The following ARFIP1 variants were observed in gnomAD, a reference collection of about 807,000 sequenced individuals.
The protein encoded by ARFIP1 is ARF interacting protein 1.
A neutral mutation model predicts 42.5 loss-of-function variants in ARFIP1; 24 were observed. The observed-to-expected ratio is 0.57, with a 90% CI of 0.41 to 0.80. The LOEUF (loss-of-function observed/expected upper bound fraction) is 0.80. Ranked by LOEUF, ARFIP1 falls within the 30% of genes least tolerant of loss-of-function variation. The probability of loss-of-function intolerance (pLI) is 0.00; values close to 1 mark genes in which losing one functional copy is unlikely to be tolerated. For synonymous variants in ARFIP1, 141 were observed against 153.7 expected (o/e 0.92, Z 0.61); for missense variants, 354 against 434.0 (o/e 0.82, Z 1.64).
intron 1 of ARFIP1, among the ~76,000 whole-genome samples, chr4:152,781,562 C>G (rs1245296921): frequency 6.6e-6 from 1 of 152,166 alleles, no homozygotes; most frequent in African/African-American, 2.4e-5. Flanking sequence ...TTGCTGTTCT[C>G]TCAGAGCGGC....
intron 2 of ARFIP1, among the ~76,000 whole-genome samples, chr4:152,841,951 C>T (rs1022437609): frequency 4.6e-5 from 7 of 152,150 alleles, no homozygotes; most frequent in Non-Finnish European, 7.4e-5. Flanking sequence ...GCAGTTAGAG[C>T]GGTCGTCAGC....
chr4:152,906,362 C>T (rs1207773745), intron 8 of ARFIP1, among the ~76,000 whole-genome samples: 1 of 152,240 alleles, frequency 6.6e-6, no homozygotes, highest in Non-Finnish European at 1.5e-5. Context: ...TCTTCCATGC[C>T]TGCCCCTCTC....
intron 1 of ARFIP1, among the ~76,000 whole-genome samples, chr4:152,823,107 C>A (rs1314624183): frequency 6.6e-6 from 1 of 152,008 alleles, no homozygotes; most frequent in Non-Finnish European, 1.5e-5. Context: ...GAAAAAAAAG[C>A]TGGTTCTTTG....
At chr4:152,847,171 C>T (rs1283017860) in intron 2 of ARFIP1, among the ~76,000 whole-genome samples, 2 of 109,728 alleles carry the variant, frequency 1.8e-5, no homozygotes, top group Non-Finnish European at 3.7e-5. Flanking sequence ...CACTCTGTCG[C>T]CCCCAGGCCG....
At chr4:152,786,375 T>C (rs566543617) in intron 1 of ARFIP1, among the ~76,000 whole-genome samples, 2 of 152,330 alleles carry the variant, frequency 1.3e-5, no homozygotes, top group South Asian at 4.1e-4. Context: ...CTTTCTTTGT[T>C]CCTTTTTTCA....
intron 1 of ARFIP1, among the ~76,000 whole-genome samples, chr4:152,804,143 C>CATATAAG (rs1728694949): frequency 2.1e-5 from 1 of 47,704 alleles, no homozygotes; most frequent in Non-Finnish European, 3.9e-5. Context: ...TATAATATAA[C>CATATAAG]ATGTATTATA....
rs527295428 is a variant in ARFIP1 at position 152,857,751 on chromosome 4, T to A, written c.94-5855T>A. Among the ~76,000 whole-genome samples the A allele has an allele frequency of 3.9e-5, 6 of 152,328 alleles. No individual in the cohort carries two copies. The East Asian group carries it at 1.2e-3, about 29-fold the overall frequency. ...TGAAGTGGCAACCTTTATCTGTCACTCTCTATCCCTCTTATCCTGCCTTTA... is the reference window on the plus strand; with the variant it reads ...TGAAGTGGCAACCTTTATCTGTCACACTCTATCCCTCTTATCCTGCCTTTA... On this transcript the variant is annotated intron_variant, in intron 2 of 8. Coordinates refer to ENST00000353617, the MANE Select transcript of ARFIP1 (RefSeq NM_001025595.3).
intron 1 of ARFIP1, among the ~76,000 whole-genome samples, chr4:152,805,549 C>A (rs72723670): frequency 0.022 from 3,314 of 152,240 alleles, 56 homozygotes; most frequent in Non-Finnish European, 0.036. Context: ...TATTTTTGCC[C>A]CCTAGTGAGT....
intron 2 of ARFIP1, among the ~76,000 whole-genome samples, chr4:152,837,639 T>G (rs1024364938): frequency 3.3e-5 from 5 of 152,366 alleles, no homozygotes; most frequent in Non-Finnish European, 7.4e-5. Flanking sequence ...GGTTTTTTCT[T>G]ACTAATTTGT....
chr4:152,853,564 T>G (rs1733167126), intron 2 of ARFIP1, among the ~76,000 whole-genome samples: 1 of 152,200 alleles, frequency 6.6e-6, no homozygotes, highest in African/African-American at 2.4e-5. Flanking sequence ...ATTAGACACT[T>G]TTCTTGCTGT....
At chr4:152,797,727 A>G (rs1578817499) in intron 1 of ARFIP1, among the ~76,000 whole-genome samples, 1 of 152,014 alleles carries the variant, frequency 6.6e-6, no homozygotes, top group Non-Finnish European at 1.5e-5. Context: ...TTTCTCTGCC[A>G]TTATTTTCCC....
chr4:152,797,326 A>G (rs983818038), intron 1 of ARFIP1, among the ~76,000 whole-genome samples: 17 of 152,024 alleles, frequency 1.1e-4, no homozygotes, highest in African/African-American at 4.1e-4. Flanking sequence ...CCACTGGCCT[A>G]TTTATGTGCT....
At chr4:152,813,958 C>T (rs1225655366) in intron 1 of ARFIP1, among the ~76,000 whole-genome samples, 1 of 152,120 alleles carries the variant, frequency 6.6e-6, no homozygotes, top group East Asian at 1.9e-4. Context: ...GCCTGAAGAA[C>T]TTCCTTTAAT....
At position 152,898,304 on chromosome 4, in the gene ARFIP1, C is replaced by A. The variant is rs141179959; in HGVS notation, c.966+9997C>A. On this transcript the variant is annotated intron_variant, in intron 8 of 8. Coordinates refer to ENST00000353617, the MANE Select transcript of ARFIP1 (RefSeq NM_001025595.3). ...GCTGCAATGTTCTTTTTAACCTTTT[C>A]TTGAAATTCTCTCAGTAATGACTCA... Among the ~76,000 whole-genome samples, 437 of 152,152 alleles carry A rather than the reference C, an allele frequency of 2.9e-3. 4 individuals carry two copies. Among genetic ancestry groups the A allele is most frequent in the Non-Finnish European group, 4.8e-3 (323 of 67,976 alleles).
rs144212409 is a variant in ARFIP1 at position 152,881,042 on chromosome 4, T to C, written c.491T>C (p.Ile164Thr). 38 of 1,613,694 alleles carry C rather than the reference T, an allele frequency of 2.4e-5. No individual in the cohort carries two copies. Among genetic ancestry groups the C allele is most frequent in the Admixed American group, 1.2e-4 (7 of 60,000 alleles). ...CTTGAACTTGAAGCTCAGATTGATATATTAAGGGATAACAAGAAAAAATAT... is the reference window on the plus strand; with the variant it reads ...CTTGAACTTGAAGCTCAGATTGATACATTAAGGGATAACAAGAAAAAATAT... ...VDLELEAQID[I>T]LRDNKKKYEN... Residue 164 changes from isoleucine to threonine, a missense_variant, in exon 6 of 9, where the codon ATA becomes ACA. Coordinates refer to ENST00000353617, the MANE Select transcript of ARFIP1 (RefSeq NM_001025595.3).
chr4:152,884,151 T>TA (rs1179499067), intron 7 of ARFIP1, among the ~76,000 whole-genome samples: 2 of 152,014 alleles, frequency 1.3e-5, no homozygotes, highest in Non-Finnish European at 2.9e-5. Flanking sequence ...CATTTAGTAT[T>TA]AAAGTATGAG....
At chr4:152,800,955 A>G (rs1430319742) in intron 1 of ARFIP1, among the ~76,000 whole-genome samples, 1 of 152,138 alleles carries the variant, frequency 6.6e-6, no homozygotes, top group African/African-American at 2.4e-5. Context: ...GAACAAAAGC[A>G]CAGATAAAGA....
chr4:152,894,157 G>A (rs1403386756), intron 8 of ARFIP1, among the ~76,000 whole-genome samples: 12 of 149,002 alleles, frequency 8.1e-5, no homozygotes, highest in East Asian at 3.9e-4. Flanking sequence ...GCAGTGAGCC[G>A]AGATCGCGCC....
intron 2 of ARFIP1, among the ~76,000 whole-genome samples, chr4:152,852,488 C>T (rs977111416): frequency 6.6e-6 from 1 of 152,068 alleles, no homozygotes; most frequent in South Asian, 2.1e-4. Flanking sequence ...AAGAAATTAG[C>T]CAGGTGTGGC....
Sources: gnomAD v4.1 joint callset for allele counts (sites outside exome capture counted in the v4.1 genomes callset) on GRCh38, gnomAD v4.1.1 for gene constraint, MANE v1.5 for transcripts, NCBI Gene and HGNC (gene_info 2026-07-23, HGNC 2026-07-21) for gene names.